PRKG1: variants seen among roughly 807,000 people sequenced by gnomAD.
PRKG1 encodes cGMP-dependent protein kinase 1.
Under a neutral mutation model 88.1 loss-of-function variants are expected in PRKG1, and 35 were observed. That is an observed-to-expected ratio of 0.40 (90% CI 0.30 to 0.53). The LOEUF is 0.53. Ranked by LOEUF, PRKG1 falls within the 20% of genes least tolerant of loss-of-function variation. The pLI is 0.59. For missense variants in PRKG1, 540 were observed against 839.8 expected, an observed-to-expected ratio of 0.64 and a Z score of 4.41; for synonymous variants, 303 against 292.5, an observed-to-expected ratio of 1.04 and a Z score of -0.37.
chr10:51,657,985 T>C (rs1243956921), intron 3 of PRKG1, among the ~76,000 whole-genome samples: 1 of 152,058 alleles, frequency 6.6e-6, no homozygotes, highest in Non-Finnish European at 1.5e-5. Context: ...AGAAATCAAC[T>C]TTAAGAAATA....
intron 4 of PRKG1, among the ~76,000 whole-genome samples, chr10:51,859,328 A>G (rs952215019): frequency 6.6e-6 from 1 of 151,078 alleles, no homozygotes; most frequent in Non-Finnish European, 1.5e-5. Flanking sequence ...TAAAACTTCC[A>G]GTGGCACCTT....
At chr10:51,302,341 T>G (rs1465871879) in intron 2 of PRKG1, among the ~76,000 whole-genome samples, 1 of 152,186 alleles carries the variant, frequency 6.6e-6, no homozygotes, top group African/African-American at 2.4e-5. Context: ...CTGTAAAATA[T>G]TATTCATTTT....
chr10:51,917,562 G>A lies in PRKG1; in HGVS notation c.762+9992G>A, dbSNP rs1842370021. ...GGCTTATAAGAAGAATGTGTACTTGGGGGTCTCATTTGACTTGACAGCCAT... is the reference window on the plus strand; with the variant it reads ...GGCTTATAAGAAGAATGTGTACTTGAGGGTCTCATTTGACTTGACAGCCAT... On this transcript the variant is annotated intron_variant, in intron 5 of 17. Coordinates refer to ENST00000373980, the MANE Select transcript of PRKG1 (RefSeq NM_006258.4). Among the ~76,000 whole-genome samples, 3 of 152,088 alleles carry A rather than the reference G, an allele frequency of 2.0e-5. 1 individual carries two copies. In the South Asian group the frequency reaches 6.2e-4, roughly 31 times the overall value.
intron 1 of PRKG1, 81 bp downstream of exon 1, chr10:51,074,982 C>T (rs1843909642): frequency 1.4e-6 from 2 of 1,453,560 alleles, no homozygotes; most frequent in East Asian, 2.5e-5. Context: ...TGTCGGCCCC[C>T]GCCCCTCCCG....
intron 3 of PRKG1, among the ~76,000 whole-genome samples, chr10:51,630,660 G>A (rs1249317881): frequency 6.6e-6 from 1 of 152,190 alleles, no homozygotes; most frequent in East Asian, 1.9e-4. Context: ...TGCATACCAT[G>A]GTGACTCATT....
intron 3 of PRKG1, among the ~76,000 whole-genome samples, chr10:51,573,384 T>C (rs1283624831): frequency 6.6e-6 from 1 of 151,930 alleles, no homozygotes; most frequent in African/African-American, 2.4e-5. Context: ...AGATTACTAT[T>C]ATTGAACTCT....
At chr10:52,022,292 T>C (rs895521063) in intron 5 of PRKG1, among the ~76,000 whole-genome samples, 4 of 152,222 alleles carry the variant, frequency 2.6e-5, no homozygotes, top group Non-Finnish European at 1.5e-5. Flanking sequence ...CAACTTTTGT[T>C]GGGTTTCTTG....
intron 2 of PRKG1, among the ~76,000 whole-genome samples, chr10:51,329,172 T>G (rs1271522852): frequency 6.6e-6 from 1 of 152,184 alleles, no homozygotes; most frequent in Non-Finnish European, 1.5e-5. Flanking sequence ...TCCCTAGGTT[T>G]TCTTCTAATA....
intron 2 of PRKG1, among the ~76,000 whole-genome samples, chr10:51,340,991 G>A (rs1841992179): frequency 1.3e-5 from 2 of 152,092 alleles, no homozygotes; most frequent in African/African-American, 4.8e-5. Flanking sequence ...TTCCCCGTTA[G>A]CTAATTCAAA....
intron 7 of PRKG1, among the ~76,000 whole-genome samples, chr10:52,085,832 C>CTAACATAAACATATTTACTCTTT (rs1256955677): frequency 1.9e-4 from 29 of 152,110 alleles, no homozygotes; most frequent in South Asian, 2.1e-4. Flanking sequence ...TCCCTGGTTC[C>CTAACATAAACATATTTACTCTTT]TAACATAAAC....
At chr10:51,919,330 AGTT>A (rs1194560049) in intron 5 of PRKG1, among the ~76,000 whole-genome samples, 3 of 152,122 alleles carry the variant, frequency 2.0e-5, no homozygotes, top group Admixed American at 1.3e-4. Flanking sequence ...GGGAGATGGC[AGTT>A]GTTGTGAGAA....
At chr10:51,994,709 A>G (rs1374341542) in intron 5 of PRKG1, among the ~76,000 whole-genome samples, 3 of 152,090 alleles carry the variant, frequency 2.0e-5, no homozygotes, top group Non-Finnish European at 4.4e-5. Flanking sequence ...CTCCAGGAGG[A>G]TAGAGTGTGC....
chr10:51,142,453 G>C (rs1486737119), intron 1 of PRKG1, among the ~76,000 whole-genome samples: 2 of 151,304 alleles, frequency 1.3e-5, no homozygotes, highest in Non-Finnish European at 3.0e-5. Context: ...ATATGAGAAA[G>C]AGACAGAAAA....
chr10:52,084,287 G>A (rs1397117734), intron 7 of PRKG1, among the ~76,000 whole-genome samples: 1 of 151,956 alleles, frequency 6.6e-6, no homozygotes, highest in Non-Finnish European at 1.5e-5. Context: ...CAACTAAGAT[G>A]CTTTCAAGAC....
intron 3 of PRKG1, among the ~76,000 whole-genome samples, chr10:51,525,464 C>T (rs1180956436): frequency 6.6e-6 from 1 of 152,046 alleles, no homozygotes; most frequent in Non-Finnish European, 1.5e-5. Flanking sequence ...TTTGGGAGGT[C>T]GAGGCAGGCA....
At chr10:52,154,844 GC>G (rs1444463092) in intron 8 of PRKG1, among the ~76,000 whole-genome samples, 7 of 152,028 alleles carry the variant, frequency 4.6e-5, no homozygotes, top group African/African-American at 1.4e-4. Context: ...TCATTCTTAT[GC>G]CTTTGCATTC....
chr10:52,052,931 A>T (rs1316161846), intron 5 of PRKG1, among the ~76,000 whole-genome samples: 1 of 152,170 alleles, frequency 6.6e-6, no homozygotes, highest in East Asian at 1.9e-4. Context: ...CTGTCTTAAA[A>T]AGGTTTTGGT....
rs1266817167 is a variant in PRKG1 at position 51,550,589 on chromosome 10, T to C, written c.592+82753T>C. Among the ~76,000 whole-genome samples, 4 of 152,016 alleles carry C rather than the reference T, an allele frequency of 2.6e-5. No individual in the cohort carries two copies. The East Asian group carries it at 7.7e-4, about 29-fold the overall frequency. On this transcript the variant is annotated intron_variant, in intron 3 of 17. Transcript: ENST00000373980. ...ACCACTATTCTAGATTTCCTGTTAT[T>C]AATGTAAATAATACTAATTTTGGAT...
chr10:51,882,956 G>A (rs2132883703), intron 4 of PRKG1, among the ~76,000 whole-genome samples: 1 of 152,296 alleles, frequency 6.6e-6, no homozygotes, highest in Admixed American at 6.5e-5. Flanking sequence ...CAGAAAACTG[G>A]TAATACATTA....
Sources: allele counts gnomAD v4.1 joint callset (sites outside exome capture counted in the v4.1 genomes callset), GRCh38; gene constraint gnomAD v4.1.1; transcripts MANE v1.5; gene names NCBI Gene and HGNC (gene_info 2026-07-23, HGNC 2026-07-21).